Variants in GRID1 observed in about 807,000 individuals in gnomAD.
GRID1 encodes the protein glutamate ionotropic receptor delta type subunit 1, also known as glutamate receptor ionotropic, delta-1.
GRID1 carries 28 observed loss-of-function variants against 98.0 expected under a neutral mutation model. That is an observed-to-expected ratio of 0.29 (90% CI 0.21 to 0.39). The LOEUF is 0.39. GRID1 is among the 10% of genes least tolerant of loss of function. GRID1 has a pLI of 1.00. For missense variants in GRID1, 1,111 were observed against 1,340.5 expected, an observed-to-expected ratio of 0.83 and a Z score of 2.67; for synonymous variants, 553 against 538.5, an observed-to-expected ratio of 1.03 and a Z score of -0.37.
At chr10:85,795,701 C>A (rs1271564270) in intron 8 of GRID1, among the ~76,000 whole-genome samples, 1 of 152,140 alleles carries the variant, frequency 6.6e-6, no homozygotes, top group African/African-American at 2.4e-5. Flanking sequence ...AATCCTGGCA[C>A]CCATAATGCC....
intron 4 of GRID1, among the ~76,000 whole-genome samples, chr10:86,014,414 C>A (rs1213630034): frequency 1.3e-5 from 2 of 152,206 alleles, no homozygotes; most frequent in African/African-American, 2.4e-5. Flanking sequence ...TTCAGATTCA[C>A]TAAGTGAGTC....
intron 2 of GRID1, among the ~76,000 whole-genome samples, chr10:86,309,852 G>C (rs1431467689): frequency 1.3e-5 from 2 of 152,178 alleles, no homozygotes; most frequent in African/African-American, 2.4e-5. Flanking sequence ...ACTGCTGGGA[G>C]AGACATCCTA....
At chr10:85,778,064 T>A (rs1161933938) in intron 8 of GRID1, among the ~76,000 whole-genome samples, 3 of 152,112 alleles carry the variant, frequency 2.0e-5, no homozygotes, top group Non-Finnish European at 4.4e-5. Context: ...TGTTCTGTTG[T>A]GGAATTCAAG....
chr10:86,090,713 A>ATCT (rs1844133810), intron 4 of GRID1, among the ~76,000 whole-genome samples: 1 of 152,182 alleles, frequency 6.6e-6, no homozygotes, highest in Non-Finnish European at 1.5e-5. Flanking sequence ...TTAGCTCCAG[A>ATCT]TTGACTCCAA....
chr10:86,308,370 G>A (rs1463787104), intron 2 of GRID1, among the ~76,000 whole-genome samples: 2 of 152,204 alleles, frequency 1.3e-5, no homozygotes, highest in African/African-American at 2.4e-5. Context: ...AGAATCTGTG[G>A]ATATTTGGTT....
intron 8 of GRID1, among the ~76,000 whole-genome samples, chr10:85,780,428 C>G (rs919191296): frequency 1.3e-5 from 2 of 152,136 alleles, no homozygotes; most frequent in Non-Finnish European, 2.9e-5. Context: ...TACAGAGAGC[C>G]CTGTTTCTCA....
intron 5 of GRID1, among the ~76,000 whole-genome samples, chr10:85,869,935 G>C (rs912257477): frequency 9.2e-5 from 14 of 152,186 alleles, no homozygotes; most frequent in Non-Finnish European, 7.3e-5. Context: ...GAAATAGCAG[G>C]GGGAGGAGAC....
At chr10:85,950,078 A>C (rs555151973) in intron 4 of GRID1, among the ~76,000 whole-genome samples, 1 of 152,372 alleles carries the variant, frequency 6.6e-6, no homozygotes, top group South Asian at 2.1e-4. Context: ...AAAGCCTAGC[A>C]TCAAGGCTAG....
At chr10:85,946,676 T>C (rs1236406462) in intron 4 of GRID1, among the ~76,000 whole-genome samples, 1 of 152,036 alleles carries the variant, frequency 6.6e-6, no homozygotes, top group African/African-American at 2.4e-5. Flanking sequence ...GCCCCGGGGA[T>C]TGCGGGGGGA....
intron 4 of GRID1, among the ~76,000 whole-genome samples, chr10:86,029,207 C>T (rs561211772): frequency 2.0e-5 from 3 of 152,332 alleles, no homozygotes; most frequent in African/African-American, 7.2e-5. Flanking sequence ...CTCTGTCCTC[C>T]TTGTCATTGT....
intron 3 of GRID1, among the ~76,000 whole-genome samples, chr10:86,201,580 A>G (rs1401166652): frequency 6.6e-6 from 1 of 152,010 alleles, no homozygotes; most frequent in Admixed American, 6.6e-5. Flanking sequence ...AAAACAACGA[A>G]TGGGTACTAG....
At chr10:85,952,815 A>C (rs955097020) in intron 4 of GRID1, among the ~76,000 whole-genome samples, 5 of 152,134 alleles carry the variant, frequency 3.3e-5, no homozygotes, top group Non-Finnish European at 5.9e-5. Context: ...AAACTGCATG[A>C]ATTCATTTAC....
intron 2 of GRID1, among the ~76,000 whole-genome samples, chr10:86,271,456 C>T (rs760191037): frequency 4.6e-5 from 7 of 152,064 alleles, no homozygotes; most frequent in Non-Finnish European, 8.8e-5. Context: ...AAAAATCAAT[C>T]GATCAAAATC....
intron 8 of GRID1, among the ~76,000 whole-genome samples, chr10:85,810,160 A>C (rs944396447): frequency 5.4e-5 from 8 of 147,250 alleles, no homozygotes; most frequent in African/African-American, 1.8e-4. Context: ...CCATGACCCC[A>C]GCTGCTGGGG....
intron 12 of GRID1, among the ~76,000 whole-genome samples, chr10:85,677,434 A>G (rs538920980): frequency 6.6e-6 from 1 of 152,338 alleles, no homozygotes; most frequent in Non-Finnish European, 1.5e-5. Flanking sequence ...TGGGGAATTG[A>G]GAAGAGAGAA....
At chr10:86,265,074 G>A (rs945051036) in intron 2 of GRID1, among the ~76,000 whole-genome samples, 13 of 152,248 alleles carry the variant, frequency 8.5e-5, no homozygotes, top group African/African-American at 3.1e-4. Context: ...ACTGGGCAGG[G>A]ACAGACCTGG....
chr10:86,218,886 T>C (rs1564709772), intron 2 of GRID1, among the ~76,000 whole-genome samples: 1 of 152,316 alleles, frequency 6.6e-6, no homozygotes, highest in East Asian at 1.9e-4. Flanking sequence ...GACCCCCAGC[T>C]CTGGATGCCT....
chr10:85,671,671 T>C (rs956626420), intron 12 of GRID1, among the ~76,000 whole-genome samples: 1 of 152,174 alleles, frequency 6.6e-6, no homozygotes, highest in Non-Finnish European at 1.5e-5. Flanking sequence ...TCATTCTTGA[T>C]GAAAATCTAG....
intron 2 of GRID1, among the ~76,000 whole-genome samples, chr10:86,314,941 G>A (rs1469897595): frequency 6.6e-6 from 1 of 152,054 alleles, no homozygotes; most frequent in Non-Finnish European, 1.5e-5. Context: ...CCTCCCTGAA[G>A]CCCTCCCCTG....
Sources: gnomAD v4.1 joint callset for allele counts (sites outside exome capture counted in the v4.1 genomes callset) on GRCh38, gnomAD v4.1.1 for gene constraint, MANE v1.5 for transcripts, NCBI Gene and HGNC (gene_info 2026-07-23, HGNC 2026-07-21) for gene names.